The following NOL10 variants were observed in gnomAD, a reference collection of about 807,000 sequenced individuals.
The protein encoded by NOL10 is nucleolar protein 10, also known as H_NH0074G24.1.
Under a neutral mutation model 103.5 loss-of-function variants are expected in NOL10, and 58 were observed. The ratio of observed to expected loss-of-function variants is 0.56; its 90% CI spans 0.45 to 0.70. NOL10 has a LOEUF of 0.70. NOL10 is among the 30% of genes least tolerant of loss of function. The pLI is 0.00. For missense variants in NOL10, 763 were observed against 807.3 expected, an observed-to-expected ratio of 0.95 and a Z score of 0.67; for synonymous variants, 287 against 282.5, an observed-to-expected ratio of 1.02 and a Z score of -0.16.
intron 13 of NOL10, among the ~76,000 whole-genome samples, chr2:10,634,195 G>C (rs898560463): frequency 6.6e-5 from 10 of 152,254 alleles, no homozygotes; most frequent in Middle Eastern, 3.4e-3. Context: ...TTACAAGAGA[G>C]ACAAAAGCAG....
At chr2:10,629,582 G>A (rs913049428) in intron 13 of NOL10, among the ~76,000 whole-genome samples, 3 of 152,158 alleles carry the variant, frequency 2.0e-5, no homozygotes, top group Non-Finnish European at 4.4e-5. Flanking sequence ...AGTGCGCCTT[G>A]ATGATATAAT....
intron 20 of NOL10, 96 bp downstream of exon 20, chr2:10,577,540 G>A (rs1011251356): frequency 1.5e-5 from 13 of 850,572 alleles, no homozygotes; most frequent in East Asian, 2.7e-5. Context: ...TAGGGGAAAA[G>A]CATTGAGAAG....
chr2:10,648,078 C>T (rs1367014714), intron 12 of NOL10, among the ~76,000 whole-genome samples: 1 of 152,182 alleles, frequency 6.6e-6, no homozygotes, highest in Non-Finnish European at 1.5e-5. Context: ...TCTTCAAGTG[C>T]CCTGACCGGC....
intron 13 of NOL10, among the ~76,000 whole-genome samples, chr2:10,620,702 C>G (rs949117495): frequency 6.6e-6 from 1 of 152,142 alleles, no homozygotes. Context: ...AGGATTCCCA[C>G]AAACATGTGA....
intron 5 of NOL10, 21 bp downstream of exon 5, chr2:10,673,499 A>C (rs1463802754): frequency 6.4e-7 from 1 of 1,555,946 alleles, no homozygotes; most frequent in Admixed American, 1.9e-5. Flanking sequence ...AGTCAGTACA[A>C]ACCAATGCTA....
At chr2:10,687,164 C>G (rs1399633133) in intron 1 of NOL10, among the ~76,000 whole-genome samples, 2 of 149,384 alleles carry the variant, frequency 1.3e-5, no homozygotes, top group Non-Finnish European at 3.0e-5. Flanking sequence ...CACCACACCT[C>G]AAAGAAATAA....
chr2:10,572,225 G>C, intron 20 of NOL10, 35 bp from the exon 21 acceptor site: 1 of 1,611,168 alleles, frequency 6.2e-7, no homozygotes, highest in Non-Finnish European at 8.5e-7. Flanking sequence ...GAGGGAAAGA[G>C]AGAAAATTCT....
intron 7 of NOL10, among the ~76,000 whole-genome samples, chr2:10,667,497 G>T (rs899500784): frequency 6.6e-6 from 1 of 152,146 alleles, no homozygotes; most frequent in Non-Finnish European, 1.5e-5. Context: ...CACTCTACCT[G>T]CTAGGTGACA....
intron 2 of NOL10, among the ~76,000 whole-genome samples, chr2:10,683,766 G>C (rs1459038681): frequency 6.6e-6 from 1 of 152,184 alleles, no homozygotes; most frequent in African/African-American, 2.4e-5. Context: ...ACTGTGCTAA[G>C]TGTCCCCAGG....
chr2:10,593,696 C>G (rs535454027), intron 17 of NOL10, among the ~76,000 whole-genome samples: 1 of 152,176 alleles, frequency 6.6e-6, no homozygotes, highest in Non-Finnish European at 1.5e-5. Flanking sequence ...TGGCCCCAGC[C>G]CTTTCCCACG....
intron 1 of NOL10, among the ~76,000 whole-genome samples, chr2:10,687,548 G>T (rs1682303608): frequency 6.6e-6 from 1 of 152,060 alleles, no homozygotes; most frequent in South Asian, 2.1e-4. Context: ...ATCTCACCTA[G>T]TCCCAAATAA....
At chr2:10,654,346 G>T (rs1679680212) in intron 12 of NOL10, 135 bp downstream of exon 12, 2 of 631,278 alleles carry the variant, frequency 3.2e-6, no homozygotes, top group South Asian at 2.2e-5. Flanking sequence ...TGCTGACAAA[G>T]CCAAATTCTA....
chr2:10,680,466 G>A (rs796583185), intron 3 of NOL10, among the ~76,000 whole-genome samples: 6 of 152,224 alleles, frequency 3.9e-5, no homozygotes, highest in African/African-American at 1.4e-4. Context: ...AAAAGAAAGT[G>A]TCATTTAACA....
chr2:10,627,287 T>C (rs923614960), intron 13 of NOL10, among the ~76,000 whole-genome samples: 2 of 152,234 alleles, frequency 1.3e-5, no homozygotes, highest in South Asian at 2.1e-4. Context: ...AGATGTCTTA[T>C]CTTTCCGGAT....
chr2:10,619,130 T>C (rs1397920711), intron 13 of NOL10, among the ~76,000 whole-genome samples: 1 of 152,166 alleles, frequency 6.6e-6, no homozygotes, highest in African/African-American at 2.4e-5. Context: ...ACCACTGTAG[T>C]ATGTATGTAG....
At position 10,571,765 on chromosome 2, in the gene NOL10, G is replaced by A; in HGVS notation, c.*306C>T. On this transcript the variant is annotated 3_prime_UTR_variant, in exon 21 of 21. Transcript: ENST00000381685. Reference sequence around the variant, plus strand: ...CACAGGATAAACCTTTCATTTCATGGTGTACATTTCACAATATTAAAAAAA... The same window carrying A: ...CACAGGATAAACCTTTCATTTCATGATGTACATTTCACAATATTAAAAAAA... 4.4e-6 allele frequency: 1 copy of A among 225,300 alleles called. No homozygotes were observed. Among genetic ancestry groups the A allele is most frequent in the South Asian group, 1.3e-4 (1 of 7,612 alleles). The allele number at this position is 225,300 out of a possible 1,614,324, so 14.0% of individuals were successfully genotyped here.
At chr2:10,676,037 T>TCTCAAAAACCCC (rs1681283711) in intron 3 of NOL10, among the ~76,000 whole-genome samples, 166 bp from the exon 4 acceptor site, 2 of 152,178 alleles carry the variant, frequency 1.3e-5, no homozygotes, top group Admixed American at 6.5e-5. Flanking sequence ...AAGGAAAAAC[T>TCTCAAAAACCCC]GAGCAAAAGC....
rs57112465 is a variant in NOL10 at position 10,667,761 on chromosome 2, C to T, written c.531-483G>A. On this transcript the variant is annotated intron_variant, in intron 7 of 20. Transcript: ENST00000381685. ...GGATTAAATGAAAAAGACTGCAAAGCGTTCAGCAGTATCTGGGGTACAGAG... is the reference window on the plus strand; with the variant it reads ...GGATTAAATGAAAAAGACTGCAAAGTGTTCAGCAGTATCTGGGGTACAGAG... 2.3e-4 allele frequency among the ~76,000 whole-genome samples: 35 copies of T among 151,922 alleles called. No individual in the cohort carries two copies. In the East Asian group the frequency reaches 5.4e-3, roughly 23 times the overall value.
intron 13 of NOL10, among the ~76,000 whole-genome samples, chr2:10,619,442 C>T (rs752410988): frequency 1.2e-4 from 19 of 152,160 alleles, no homozygotes; most frequent in Non-Finnish European, 2.5e-4. Context: ...TTGTGGCCAC[C>T]GTACCTGGCC....
Sources: allele counts gnomAD v4.1 joint callset (sites outside exome capture counted in the v4.1 genomes callset), GRCh38; gene constraint gnomAD v4.1.1; transcripts MANE v1.5; gene names NCBI Gene and HGNC (gene_info 2026-07-23, HGNC 2026-07-21).